The following CREB5 variants were observed in gnomAD, a reference collection of about 807,000 sequenced individuals.
CREB5 encodes cyclic AMP-responsive element-binding protein 5.
In CREB5, 19 loss-of-function variants were observed where a neutral mutation model predicts 57.1. That is an observed-to-expected ratio of 0.33 (90% CI 0.23 to 0.49). The LOEUF (loss-of-function observed/expected upper bound fraction) is 0.49, where lower values mean the gene tolerates loss of function less well. CREB5 is among the 20% of genes least tolerant of loss of function. The pLI is 0.99. For missense variants in CREB5, 579 were observed against 671.6 expected (o/e 0.86, Z 1.52); for synonymous variants, 238 against 238.3 (o/e 1.00, Z 0.01).
At chr7:28,615,843 A>G (rs1391424531) in intron 5 of CREB5, 2 of 152,230 alleles carry the variant, frequency 1.3e-5, no homozygotes, top group Non-Finnish European at 2.9e-5. Flanking sequence ...ACAGCTGCCA[A>G]AGCCTCCACA....
chr7:28,772,817 C>T (rs1235017741), intron 7 of CREB5, among the ~76,000 whole-genome samples: 1 of 152,176 alleles, frequency 6.6e-6, no homozygotes, highest in Non-Finnish European at 1.5e-5. Context: ...AGTCCTCCTT[C>T]TCTCATCTAC....
In CREB5 at chr7:28,709,871, G is replaced by A. The variant is rs142061864; in HGVS notation, c.465-8882G>A. Among the ~76,000 whole-genome samples the A allele has an allele frequency of 1.9e-3, 291 of 152,260 alleles. 1 individual carries two copies. The highest frequency in any genetic ancestry group is 6.6e-3 in the African/African-American group (274 of 41,538). ...TGCCCTTGTCAATATCGATAAGTCC[G>A]TGCGAAGCAGAAATGAGATGTTTAG... is the stretch of plus-strand genomic sequence containing the variant. On this transcript the variant is annotated intron_variant, in intron 5 of 10. Transcript: ENST00000357727.
intron 5 of CREB5, among the ~76,000 whole-genome samples, chr7:28,697,717 C>T (rs1801648163): frequency 6.6e-6 from 1 of 152,146 alleles, no homozygotes; most frequent in African/African-American, 2.4e-5. Flanking sequence ...GCTGTAGGAC[C>T]ATCGTTCTTT....
chr7:28,802,195 C>T (rs979286924), intron 7 of CREB5, among the ~76,000 whole-genome samples: 2 of 149,546 alleles, frequency 1.3e-5, no homozygotes, highest in African/African-American at 2.5e-5. Context: ...AGCTGTTGTG[C>T]AGTATCTGTT....
intron 1 of CREB5, among the ~76,000 whole-genome samples, chr7:28,304,648 TAA>T (rs2127979527): frequency 6.6e-6 from 1 of 152,212 alleles, no homozygotes; most frequent in African/African-American, 2.4e-5. Context: ...TGTAAGTCCA[TAA>T]AAAGAGAAGC....
intron 1 of CREB5, among the ~76,000 whole-genome samples, chr7:28,472,923 C>T (rs893182291): frequency 6.6e-6 from 1 of 152,156 alleles, no homozygotes; most frequent in Non-Finnish European, 1.5e-5. Flanking sequence ...TTCTTTCAGT[C>T]CCTCAGACAT....
chr7:28,484,912 G>T (rs565795429), intron 1 of CREB5, among the ~76,000 whole-genome samples: 28 of 152,246 alleles, frequency 1.8e-4, no homozygotes, highest in African/African-American at 6.7e-4. Flanking sequence ...CTATGTGGCC[G>T]AGCCTTTCGT....
intron 5 of CREB5, among the ~76,000 whole-genome samples, chr7:28,640,962 T>G (rs1435942859): frequency 6.6e-6 from 1 of 152,204 alleles, no homozygotes; most frequent in Non-Finnish European, 1.5e-5. Flanking sequence ...TAACTTCTTG[T>G]CTCTAAATCT....
chr7:28,445,634 C>T (rs1276223639), intron 1 of CREB5, among the ~76,000 whole-genome samples: 8 of 152,000 alleles, frequency 5.3e-5, no homozygotes, highest in African/African-American at 1.9e-4. Context: ...TCACTGCAAG[C>T]TCCGCCTCCC....
At chr7:28,341,657 G>A (rs1465668469) in intron 1 of CREB5, among the ~76,000 whole-genome samples, 1 of 152,174 alleles carries the variant, frequency 6.6e-6, no homozygotes, top group African/African-American at 2.4e-5. Context: ...AGTGCTGGAT[G>A]TGCAACGTAA....
chr7:28,787,801 A>G (rs1038043405), intron 7 of CREB5, among the ~76,000 whole-genome samples: 4 of 152,096 alleles, frequency 2.6e-5, no homozygotes, highest in Non-Finnish European at 5.9e-5. Flanking sequence ...CAATCTTCGC[A>G]CCTTGGCCTT....
chr7:28,371,586 G>A (rs1411755459), intron 1 of CREB5, among the ~76,000 whole-genome samples: 4 of 152,028 alleles, frequency 2.6e-5, no homozygotes, highest in Non-Finnish European at 5.9e-5. Flanking sequence ...AAAGCCCTGC[G>A]GGCAGCACCA....
chr7:28,355,396 A>C (rs1786319812), intron 1 of CREB5, among the ~76,000 whole-genome samples: 1 of 151,214 alleles, frequency 6.6e-6, no homozygotes, highest in Admixed American at 6.6e-5. Flanking sequence ...CCGCAGTCAT[A>C]GTAGAGAGAA....
chr7:28,820,818 T>C lies in CREB5; in HGVS notation c.*1539T>C, dbSNP rs1000554267. 6.6e-6 allele frequency: 1 copy of C among 152,234 alleles called. No individual in the cohort carries two copies. Among genetic ancestry groups the C allele is most frequent in the Non-Finnish European group, 1.5e-5 (1 of 68,040 alleles). 9.4% of individuals were successfully genotyped at this position (152,234 alleles called of 1,614,324 possible). A position where few individuals can be genotyped will look rare whatever the true frequency, so the allele number is the denominator to read the frequency against. ...AATAAAAGATGAGGTCTGTCTTATGTTGCCCAGGCTGGTCTCAAACTATCC... is the reference window on the plus strand; with the variant it reads ...AATAAAAGATGAGGTCTGTCTTATGCTGCCCAGGCTGGTCTCAAACTATCC... On this transcript the variant is annotated 3_prime_UTR_variant, in exon 11 of 11. Transcript: ENST00000357727.
intron 4 of CREB5, among the ~76,000 whole-genome samples, chr7:28,560,885 T>TGTGCGC (rs1365184678): frequency 2.6e-4 from 7 of 26,474 alleles, no homozygotes; most frequent in East Asian, 2.0e-3. Context: ...CGTGCGTGCG[T>TGTGCGC]GCGTGTGTGT....
intron 1 of CREB5, among the ~76,000 whole-genome samples, chr7:28,438,729 A>G (rs1714555215): frequency 6.6e-6 from 1 of 152,178 alleles, no homozygotes; most frequent in Admixed American, 6.5e-5. Flanking sequence ...ACATTCACAG[A>G]CTTCCTAGGA....
intron 5 of CREB5, among the ~76,000 whole-genome samples, chr7:28,643,488 A>G (rs765864): frequency 2.5e-4 from 38 of 151,778 alleles, no homozygotes; most frequent in African/African-American, 5.3e-4. Context: ...ACCCTCCCCC[A>G]CCTTACACAG....
chr7:28,411,565 G>A, upstream of CREB5, among the ~76,000 whole-genome samples: 1 of 137,562 alleles, frequency 7.3e-6, no homozygotes, highest in South Asian at 2.8e-4. Flanking sequence ...GGGGGGTGGG[G>A]GGGTGGGGGC....
intron 4 of CREB5, among the ~76,000 whole-genome samples, chr7:28,565,593 G>A (rs1041397691): frequency 1.3e-5 from 2 of 152,152 alleles, no homozygotes; most frequent in Admixed American, 1.3e-4. Context: ...TATTCAAATT[G>A]TAATTATTAT....
Sources: gnomAD v4.1 joint callset for allele counts (sites outside exome capture counted in the v4.1 genomes callset) on GRCh38, gnomAD v4.1.1 for gene constraint, MANE v1.5 for transcripts, NCBI Gene and HGNC (gene_info 2026-07-23, HGNC 2026-07-21) for gene names.